SDK1: variants seen among roughly 807,000 people sequenced by gnomAD.
SDK1 encodes the protein protein sidekick-1.
In SDK1, 157 loss-of-function variants were observed where a neutral mutation model predicts 245.5. The ratio of observed to expected loss-of-function variants is 0.64; its 90% CI spans 0.56 to 0.73. SDK1 has a LOEUF of 0.73. Among genes scored for constraint, SDK1 ranks in the 30% least tolerant of loss-of-function variants. The pLI is 0.00. For synonymous variants in SDK1, 1,647 were observed against 1,278.5 expected (o/e 1.29, Z -6.15); for missense variants, 3,583 against 3,002.3 (o/e 1.19, Z -4.52).
At chr7:3,552,530 A>G (rs1057116595) in intron 1 of SDK1, among the ~76,000 whole-genome samples, 2 of 152,206 alleles carry the variant, frequency 1.3e-5, no homozygotes, top group African/African-American at 4.8e-5. Context: ...ATATTCATTT[A>G]TGATCCATAT....
chr7:4,172,149 G>A (rs895122549), intron 32 of SDK1, among the ~76,000 whole-genome samples: 6 of 152,306 alleles, frequency 3.9e-5, no homozygotes, highest in African/African-American at 9.6e-5. Context: ...ATATCCCGTC[G>A]TGCTGTTCCT....
At chr7:4,127,531 A>AGGG (rs1562849915) in intron 26 of SDK1, 35 bp downstream of exon 26, 1 of 1,502,400 alleles carries the variant, frequency 6.7e-7, no homozygotes, top group African/African-American at 1.4e-5. Context: ...CTTTGCTTAA[A>AGGG]GAGTGGGCTG....
At chr7:3,461,950 A>C (rs958841281) in intron 1 of SDK1, among the ~76,000 whole-genome samples, 4 of 152,056 alleles carry the variant, frequency 2.6e-5, no homozygotes, top group African/African-American at 9.7e-5. Flanking sequence ...ATCGGCATTT[A>C]AGCATGTTCA....
At chr7:3,515,809 C>T (rs991480234) in intron 1 of SDK1, among the ~76,000 whole-genome samples, 8 of 152,110 alleles carry the variant, frequency 5.3e-5, no homozygotes, top group African/African-American at 1.4e-4. Context: ...GTCTCAAAGA[C>T]ATAAATCACC....
At position 4,013,285 on chromosome 7, in the gene SDK1, G is replaced by A. The variant is rs373735198; in HGVS notation, c.2420+1050G>A. On this transcript the variant is annotated intron_variant, in intron 16 of 44. Coordinates refer to ENST00000404826, the MANE Select transcript of SDK1 (RefSeq NM_152744.4). The stretch of plus-strand genomic sequence containing the variant: ...CTAATTTTAAAATTGCACTGAACGC[G>A]ATCATTGCAGTAGCCTGTTGACACA... 1.4e-3 allele frequency among the ~76,000 whole-genome samples: 214 copies of A among 152,324 alleles called. 1 individual carries two copies. The highest frequency in any genetic ancestry group is 2.6e-3 in the Non-Finnish European group (179 of 68,042).
At chr7:3,396,510 T>C (rs1433612294) in intron 1 of SDK1, among the ~76,000 whole-genome samples, 1 of 151,862 alleles carries the variant, frequency 6.6e-6, no homozygotes, top group African/African-American at 2.4e-5. Context: ...CTCTTTAATT[T>C]TGTCAGTTTT....
At chr7:4,128,177 C>T (rs990959991) in intron 26 of SDK1, among the ~76,000 whole-genome samples, 4 of 152,188 alleles carry the variant, frequency 2.6e-5, no homozygotes, top group African/African-American at 4.8e-5. Context: ...TGAGCTGTTT[C>T]GGACCCGGCC....
intron 24 of SDK1, 41 bp downstream of exon 24, chr7:4,113,480 C>T: frequency 6.2e-7 from 1 of 1,606,246 alleles, no homozygotes; most frequent in Non-Finnish European, 8.5e-7. Flanking sequence ...CACACGGGTC[C>T]TGAGTGAGCC....
intron 1 of SDK1, among the ~76,000 whole-genome samples, chr7:3,466,100 G>A (rs1780992146): frequency 6.6e-6 from 1 of 151,954 alleles, no homozygotes; most frequent in Non-Finnish European, 1.5e-5. Context: ...GATATGCCTT[G>A]ACTACTACCA....
chr7:4,253,760 C>T (rs986773725), intron 44 of SDK1, among the ~76,000 whole-genome samples: 1 of 152,126 alleles, frequency 6.6e-6, no homozygotes, highest in Non-Finnish European at 1.5e-5. Context: ...TGTCTCCCTT[C>T]AAATCTATTC....
chr7:4,113,342 C>T lies in SDK1; in HGVS notation c.3488C>T (p.Ser1163Phe). The change falls in exon 24 of 45, where the codon TCC (serine) becomes TTC (phenylalanine). Residue 1163 changes from serine to phenylalanine, a missense_variant. Ser to Phe is a radical substitution (Grantham distance 155, BLOSUM62 -2). Transcript: ENST00000404826. ...IVGPSPYSPS[S>F]RVIQTLQAPP... ...GGGCCGAGCCCCTACAGTCCGTCTT[C>T]CCGGGTCATCCAGACCCTGCAGGCC... 1 of 1,613,990 alleles carries T rather than the reference C, an allele frequency of 6.2e-7. No individual in the cohort carries two copies. Among genetic ancestry groups the T allele is most frequent in the Non-Finnish European group, 8.5e-7 (1 of 1,180,022 alleles).
At position 4,174,231 on chromosome 7, in the gene SDK1, G is replaced by A. The variant is rs1242333666; in HGVS notation, c.4810G>A (p.Asp1604Asn). Reference sequence around the variant, plus strand: ...TGTGATGTCTTTGCAGCCTCCGAGGGACGAAAGCCTGAATGGCCTTCTTCA... The same window carrying A: ...TGTGATGTCTTTGCAGCCTCCGAGGAACGAAAGCCTGAATGGCCTTCTTCA... ...SVLIQWQPPR[D>N]ESLNGLLQGY... The change falls in exon 33 of 45, where the codon GAC becomes AAC. Residue 1604 changes from aspartate to asparagine, a missense_variant. By Grantham distance (23) the Asp-to-Asn change is conservative (BLOSUM62 1). Coordinates refer to ENST00000404826, the MANE Select transcript of SDK1 (RefSeq NM_152744.4). 6.2e-7 allele frequency: 1 copy of A among 1,614,114 alleles called. No homozygotes were observed. Among genetic ancestry groups the A allele is most frequent in the Admixed American group, 1.7e-5 (1 of 60,018 alleles).
intron 4 of SDK1, among the ~76,000 whole-genome samples, chr7:3,813,665 T>G (rs1348746527): frequency 1.4e-5 from 2 of 140,920 alleles, no homozygotes; most frequent in East Asian, 4.0e-4. Flanking sequence ...TTTCTAGTTC[T>G]AGATCCCCGA....
chr7:3,585,499 G>A (rs59956246), intron 1 of SDK1, among the ~76,000 whole-genome samples: 86 of 152,332 alleles, frequency 5.6e-4, no homozygotes, highest in African/African-American at 2.0e-3. Flanking sequence ...AGGCGCTCTT[G>A]ATAAAGGACT....
intron 21 of SDK1, among the ~76,000 whole-genome samples, chr7:4,077,522 T>C (rs1232983341): frequency 1.3e-5 from 2 of 152,196 alleles, no homozygotes; most frequent in African/African-American, 4.8e-5. Flanking sequence ...ATGATTGTAT[T>C]AGTCCATTTT....
At chr7:4,196,411 A>C (rs733689) in intron 35 of SDK1, among the ~76,000 whole-genome samples, 8,038 of 152,290 alleles carry the variant, frequency 0.053, 355 homozygotes, top group African/African-American at 0.12. Flanking sequence ...CTCTGCTTTC[A>C]AACCTTCCCA....
intron 4 of SDK1, among the ~76,000 whole-genome samples, chr7:3,699,114 G>T (rs1441387218): frequency 6.6e-6 from 1 of 152,120 alleles, no homozygotes; most frequent in African/African-American, 2.4e-5. Context: ...CACTTCTCTT[G>T]GATTCCTACT....
At chr7:3,723,949 G>T (rs995366093) in intron 4 of SDK1, among the ~76,000 whole-genome samples, 10,551 of 109,750 alleles carry the variant, frequency 0.096, 915 homozygotes, top group Middle Eastern at 0.17. Context: ...TATATAGAGA[G>T]AGAGAGAGAG....
At chr7:4,006,244 G>A (rs757566014) in intron 14 of SDK1, among the ~76,000 whole-genome samples, 3 of 152,138 alleles carry the variant, frequency 2.0e-5, no homozygotes, top group Non-Finnish European at 4.4e-5. Flanking sequence ...TTCATTCCTC[G>A]TGATTCTCGG....
Sources: allele counts gnomAD v4.1 joint callset (sites outside exome capture counted in the v4.1 genomes callset), GRCh38; gene constraint gnomAD v4.1.1; transcripts MANE v1.5; gene names NCBI Gene and HGNC (gene_info 2026-07-23, HGNC 2026-07-21).